Variants in PYGB observed in about 807,000 individuals in gnomAD.
The protein encoded by PYGB is glycogen phosphorylase B.
A neutral mutation model predicts 94.3 loss-of-function variants in PYGB; 82 were observed. The observed-to-expected ratio is 0.87, with a 90% CI of 0.73 to 1.04. The LOEUF (loss-of-function observed/expected upper bound fraction) is 1.04. PYGB is among the 50% of genes least tolerant of loss of function. The pLI is 0.00. For synonymous variants in PYGB, 488 were observed against 479.1 expected (o/e 1.02, Z -0.24); for missense variants, 1,132 against 1,158.2 (o/e 0.98, Z 0.33).
chr20:25,258,721 T>G (rs1435063059), intron 1 of PYGB, among the ~76,000 whole-genome samples: 1 of 152,254 alleles, frequency 6.6e-6, no homozygotes, highest in South Asian at 2.1e-4. Context: ...AGACTTCTGC[T>G]GGGGAACATG....
intron 16 of PYGB, 134 bp from the exon 17 acceptor site, chr20:25,292,272 T>A (rs368440361): frequency 2.1e-5 from 15 of 720,158 alleles, no homozygotes; most frequent in Non-Finnish European, 2.6e-5. Context: ...GAGTGGGGGC[T>A]GGAGCGGGGC....
chr20:25,296,317 A>G, intron 19 of PYGB, 53 bp from the exon 20 acceptor site: 1 of 1,601,850 alleles, frequency 6.2e-7, no homozygotes, highest in Non-Finnish European at 8.6e-7. Context: ...CCATGTTTTT[A>G]GCAGCCCCAA....
chr20:25,296,627 C>CTGAG lies in PYGB; in HGVS notation c.*107_*110dup. On this transcript the variant is annotated 3_prime_UTR_variant, in exon 20 of 20. Coordinates refer to ENST00000216962, the MANE Select transcript of PYGB (RefSeq NM_002862.4). ...CCAGCCACTGGTGGTCCCTGCTTTT[C>CTGAG]TGAGTACCATGTTTCCAGGAGGGGC... 7.1e-7 allele frequency: 1 copy of CTGAG among 1,417,670 alleles called. No homozygotes were observed. Among genetic ancestry groups the CTGAG allele is most frequent in the Non-Finnish European group, 9.5e-7 (1 of 1,055,270 alleles). The allele number at this position is 1,417,670 out of a possible 1,614,324, so 87.8% of individuals were successfully genotyped here. A position where few individuals can be genotyped will look rare whatever the true frequency, so the allele number is the denominator to read the frequency against.
Position 25,292,484 on chromosome 20 carries a change from T to C in PYGB, c.2048T>C (p.Met683Thr), listed in dbSNP as rs752090337. 4 of 1,613,482 alleles carry C rather than the reference T, an allele frequency of 2.5e-6. No homozygotes were observed. Among genetic ancestry groups the C allele is most frequent in the East Asian group, 4.5e-5 (2 of 44,870 alleles). Reference sequence around the variant, plus strand: ...TCAGGCACAGGCAACATGAAGTTCATGCTCAACGGGGCCCTCACCATCGGC... The same window carrying C: ...TCAGGCACAGGCAACATGAAGTTCACGCTCAACGGGGCCCTCACCATCGGC... The part of the protein sequence containing the change: ...EASGTGNMKF[M>T]LNGALTIGTM... Residue 683 changes from methionine to threonine, a missense_variant, in exon 17 of 20, where the codon ATG becomes ACG. Met to Thr is a moderately conservative substitution (Grantham distance 81). Transcript: ENST00000216962.
intron 2 of PYGB, among the ~76,000 whole-genome samples, chr20:25,263,431 A>G (rs1030816148): frequency 5.3e-5 from 8 of 152,188 alleles, no homozygotes; most frequent in African/African-American, 1.9e-4. Flanking sequence ...ATAGTAACTA[A>G]GAGCAGAACT....
intron 1 of PYGB, among the ~76,000 whole-genome samples, chr20:25,257,007 A>G (rs2092904031): frequency 6.6e-6 from 1 of 152,160 alleles, no homozygotes; most frequent in African/African-American, 2.4e-5. Flanking sequence ...TGGTCCTCTC[A>G]GAGGCTGAGT....
At chr20:25,294,821 A>G (rs2145904027) in intron 18 of PYGB, 2 of 794,876 alleles carry the variant, frequency 2.5e-6, no homozygotes, top group South Asian at 2.8e-5. Context: ...CAGACTTTGT[A>G]AGGTTTGCAG....
intron 1 of PYGB, among the ~76,000 whole-genome samples, chr20:25,252,028 C>T (rs1330777950): frequency 1.3e-5 from 2 of 152,220 alleles, no homozygotes; most frequent in Non-Finnish European, 2.9e-5. Flanking sequence ...GTGGTACCAG[C>T]CTCCGGAATC....
chr20:25,292,994 CA>C (rs974520342), intron 17 of PYGB, among the ~76,000 whole-genome samples: 33 of 152,272 alleles, frequency 2.2e-4, no homozygotes, highest in African/African-American at 7.2e-4. Context: ...ACCCCACTGC[CA>C]GGGGCGCTCT....
At chr20:25,290,665 C>A in intron 16 of PYGB, 43 bp downstream of exon 16, 1 of 1,583,888 alleles carries the variant, frequency 6.3e-7, no homozygotes. Context: ...TCACTCCTGC[C>A]GGGGAACGGG....
chr20:25,257,403 G>A (rs58828776), intron 1 of PYGB, among the ~76,000 whole-genome samples: 3,284 of 152,314 alleles, frequency 0.022, 110 homozygotes, highest in African/African-American at 0.074. Context: ...AGCACTTCCC[G>A]TGTCAGTCCT....
chr20:25,263,281 G>A (rs2092917641), intron 2 of PYGB, among the ~76,000 whole-genome samples: 1 of 152,178 alleles, frequency 6.6e-6, no homozygotes, highest in Non-Finnish European at 1.5e-5. Flanking sequence ...AGACCACAGT[G>A]CAATCAAACT....
rs1489488910 is a variant in PYGB at position 25,283,205 on chromosome 20, G to A, written c.1548G>A (p.Leu516=). 6.2e-7 allele frequency: 1 copy of A among 1,613,846 alleles called. No homozygotes were observed. The part of the protein sequence containing the change: ...EKIGEEFLTD[L]SQLKKLLPLV... ...TTGGGGAGGAGTTCCTGACTGACCT[G>A]AGCCAGCTGAAGAAGCTGCTGCCGC... Residue 516 remains leucine (L), a synonymous_variant, in exon 13 of 20, where the codon CTG becomes CTA. Transcript: ENST00000216962.
chr20:25,248,446 G>T (rs756430217), intron 1 of PYGB, 25 bp downstream of exon 1: 50 of 1,360,346 alleles, frequency 3.7e-5, no homozygotes, highest in Non-Finnish European at 9.6e-7. Context: ...CGCCCTGTGC[G>T]CCCGTGCCCG....
chr20:25,263,823 G>T (rs1471407826), intron 2 of PYGB, among the ~76,000 whole-genome samples: 1 of 152,150 alleles, frequency 6.6e-6, no homozygotes, highest in Non-Finnish European at 1.5e-5. Flanking sequence ...CAGGACCAGA[G>T]GGATTCACAG....
chr20:25,289,012 G>T (rs2088442934), intron 15 of PYGB, among the ~76,000 whole-genome samples: 2 of 152,248 alleles, frequency 1.3e-5, no homozygotes, highest in Admixed American at 1.3e-4. Context: ...GTGGGGTGCA[G>T]CGTCCTTAGG....
chr20:25,282,204 C>T, intron 12 of PYGB, 57 bp downstream of exon 12: 6 of 1,401,818 alleles, frequency 4.3e-6, no homozygotes, highest in Non-Finnish European at 5.9e-6. Flanking sequence ...AACCGCGGGC[C>T]ATGTCATCAG....
At position 25,278,492 on chromosome 20, in the gene PYGB, T is replaced by C. The variant is rs529526228; in HGVS notation, c.999+30T>C. The C allele has an allele frequency of 5.0e-6, 8 of 1,611,476 alleles. 1 individual carries two copies. In the South Asian group the frequency reaches 7.7e-5, roughly 15 times the overall value. The stretch of plus-strand genomic sequence containing the variant: ...ATGGTGGCCCTGGGAGGGATCTCAG[T>C]GCCAGGGGCTGGGCGCCTTCAGGCT... On this transcript the variant is annotated intron_variant, in intron 8 of 19. Transcript: ENST00000216962.
chr20:25,264,491 G>A (rs1368452095), intron 2 of PYGB, among the ~76,000 whole-genome samples: 1 of 152,148 alleles, frequency 6.6e-6, no homozygotes. Context: ...AATTGTCCCT[G>A]TTTGCTGATG....
Sources: allele counts gnomAD v4.1 joint callset (sites outside exome capture counted in the v4.1 genomes callset), GRCh38; gene constraint gnomAD v4.1.1; transcripts MANE v1.5; gene names NCBI Gene and HGNC (gene_info 2026-07-23, HGNC 2026-07-21).